ADGRB3: variants seen among roughly 807,000 people sequenced by gnomAD.
ADGRB3 encodes brain-specific angiogenesis inhibitor 3.
A neutral mutation model predicts 193.4 loss-of-function variants in ADGRB3; 37 were observed. That is an observed-to-expected ratio of 0.19 (90% CI 0.15 to 0.25). The LOEUF is 0.25. Ranked by LOEUF, ADGRB3 falls within the 10% of genes least tolerant of loss-of-function variation. The pLI is 1.00. For missense variants in ADGRB3, 1,637 were observed against 1,852.9 expected, an observed-to-expected ratio of 0.88 and a Z score of 2.14; for synonymous variants, 690 against 644.2, an observed-to-expected ratio of 1.07 and a Z score of -1.08.
intron 29 of ADGRB3, among the ~76,000 whole-genome samples, chr6:69,363,694 GA>G (rs1769503044): frequency 6.6e-6 from 1 of 151,958 alleles, no homozygotes; most frequent in African/African-American, 2.4e-5. Context: ...GATTAATAAA[GA>G]CATGAAATGG....
At chr6:68,850,461 C>G (rs1462825275) in intron 3 of ADGRB3, among the ~76,000 whole-genome samples, 3 of 151,880 alleles carry the variant, frequency 2.0e-5, no homozygotes, top group African/African-American at 7.2e-5. Context: ...TGCAGCTACC[C>G]TCATGTTTTC....
intron 3 of ADGRB3, among the ~76,000 whole-genome samples, chr6:68,763,409 C>G (rs1254621454): frequency 6.6e-6 from 1 of 152,106 alleles, no homozygotes; most frequent in African/African-American, 2.4e-5. Context: ...AACTGTTATA[C>G]TTTAATCATT....
intron 26 of ADGRB3, among the ~76,000 whole-genome samples, chr6:69,349,877 G>T (rs935214406): frequency 2.6e-5 from 4 of 152,172 alleles, no homozygotes; most frequent in Admixed American, 2.0e-4. Flanking sequence ...TACAGAGCCC[G>T]TTTCAAACTG....
At position 69,076,038 on chromosome 6, in the gene ADGRB3, C is replaced by T. The variant is rs757595163; in HGVS notation, c.2480C>T (p.Thr827Met). The T allele has an allele frequency of 1.3e-5, 21 of 1,610,824 alleles. No homozygotes were observed. Among genetic ancestry groups the T allele is most frequent in the South Asian group, 4.4e-5 (4 of 90,708 alleles). Reference sequence around the variant, plus strand: ...TGTGTATTGTGGGATGACTCCAAAACGTAAGTGACAGATGTTTTCCTACAT... The same window carrying T: ...TGTGTATTGTGGGATGACTCCAAAATGTAAGTGACAGATGTTTTCCTACAT... ...PYCVLWDDSK[T>M]NESLGTWSTQ... Residue 827 changes from threonine (T) to methionine (M), a missense_variant and splice_region_variant, in exon 17 of 32, where the codon ACG becomes ATG. Thr to Met is a moderately conservative substitution (Grantham distance 81). Coordinates refer to ENST00000370598, the MANE Select transcript of ADGRB3 (RefSeq NM_001704.3).
chr6:69,340,370 A>G (rs1768948763), intron 26 of ADGRB3, among the ~76,000 whole-genome samples: 1 of 152,254 alleles, frequency 6.6e-6, no homozygotes, highest in Middle Eastern at 3.4e-3. Flanking sequence ...TTTAGCATTT[A>G]CTCTAGGGAT....
chr6:69,298,333 T>C (rs1039378446), intron 20 of ADGRB3, among the ~76,000 whole-genome samples: 3 of 152,036 alleles, frequency 2.0e-5, no homozygotes, highest in Non-Finnish European at 4.4e-5. Flanking sequence ...ATCTTCTTTA[T>C]TCTTTTTTTA....
intron 3 of ADGRB3, among the ~76,000 whole-genome samples, chr6:68,827,339 GT>G (rs1279348012): frequency 6.6e-6 from 1 of 152,084 alleles, no homozygotes; most frequent in African/African-American, 2.4e-5. Context: ...AATGGAGTAG[GT>G]TCAGGAGATA....
chr6:68,975,582 G>C, intron 10 of ADGRB3, among the ~76,000 whole-genome samples: 1 of 152,066 alleles, frequency 6.6e-6, no homozygotes, highest in East Asian at 1.9e-4. Flanking sequence ...GTCTAGTGGG[G>C]GAAAGGCCTG....
chr6:68,931,165 G>A (rs1767326575), intron 4 of ADGRB3, among the ~76,000 whole-genome samples: 1 of 151,810 alleles, frequency 6.6e-6, no homozygotes, highest in South Asian at 2.1e-4. Context: ...AAAGAGTTTT[G>A]TTATATAAGC....
chr6:68,907,506 A>G (rs1428370879), intron 3 of ADGRB3, among the ~76,000 whole-genome samples: 1 of 151,978 alleles, frequency 6.6e-6, no homozygotes, highest in African/African-American at 2.4e-5. Flanking sequence ...TAAATTTGAT[A>G]GAACTATGAG....
chr6:69,306,062 T>C (rs1449218331), intron 20 of ADGRB3, among the ~76,000 whole-genome samples: 1 of 151,476 alleles, frequency 6.6e-6, no homozygotes, highest in African/African-American at 2.4e-5. Context: ...TGCCATTTTA[T>C]ATAAGGGAGT....
At chr6:68,807,146 G>A (rs1006844511) in intron 3 of ADGRB3, among the ~76,000 whole-genome samples, 2 of 151,824 alleles carry the variant, frequency 1.3e-5, no homozygotes, top group African/African-American at 4.8e-5. Flanking sequence ...TTTAGTTATA[G>A]GGAATGTGAG....
chr6:69,166,026 A>G (rs925998929), intron 17 of ADGRB3, among the ~76,000 whole-genome samples: 5 of 152,156 alleles, frequency 3.3e-5, no homozygotes, highest in Non-Finnish European at 5.9e-5. Context: ...CCATTTACTG[A>G]GCACTGACTA....
intron 16 of ADGRB3, among the ~76,000 whole-genome samples, chr6:69,064,154 A>C (rs886495314): frequency 4.6e-5 from 7 of 152,018 alleles, no homozygotes; most frequent in Non-Finnish European, 7.4e-5. Context: ...TTATAGAAAA[A>C]TGATAATCAC....
rs144610317 is a variant in ADGRB3, at chr6:68,993,875, C to T, written c.1842C>T (p.Gly614=). The T allele has an allele frequency of 3.8e-5, 61 of 1,613,762 alleles. No individual in the cohort carries two copies. The highest frequency in any genetic ancestry group is 1.6e-4 in the Middle Eastern group (1 of 6,084). ...DLTQRKNFYA[G]DLLMSVEILR... ...CTCAGAGAAAAAATTTCTATGCAGG[C>T]GATCTTCTGATGTCTGTGGAGATCC... Residue 614 remains glycine, a synonymous_variant, in exon 11 of 32, where the codon GGC becomes GGT. Transcript: ENST00000370598.
chr6:68,922,189 C>T (rs538331872), intron 3 of ADGRB3, among the ~76,000 whole-genome samples: 2 of 152,110 alleles, frequency 1.3e-5, no homozygotes, highest in African/African-American at 4.8e-5. Flanking sequence ...ATGTTCACAG[C>T]TACATCTCCA....
At chr6:69,206,486 C>T (rs1765544149) in intron 17 of ADGRB3, among the ~76,000 whole-genome samples, 2 of 152,086 alleles carry the variant, frequency 1.3e-5, no homozygotes, top group South Asian at 4.2e-4. Flanking sequence ...TCAACTTGAA[C>T]CCATACACAC....
chr6:68,917,621 T>C (rs1352980228), intron 3 of ADGRB3, among the ~76,000 whole-genome samples: 3 of 152,174 alleles, frequency 2.0e-5, no homozygotes, highest in Non-Finnish European at 2.9e-5. Context: ...CTAGTTTTCT[T>C]ACTGGATTTT....
At chr6:69,171,840 C>G (rs62406808) in intron 17 of ADGRB3, among the ~76,000 whole-genome samples, 21,552 of 152,144 alleles carry the variant, frequency 0.14, 1,577 homozygotes, top group Middle Eastern at 0.16. Flanking sequence ...TACCCAATAT[C>G]AATTTTTTTC....
Sources: allele counts gnomAD v4.1 joint callset (sites outside exome capture counted in the v4.1 genomes callset), GRCh38; gene constraint gnomAD v4.1.1; transcripts MANE v1.5; gene names NCBI Gene and HGNC (gene_info 2026-07-23, HGNC 2026-07-21).